The following MYOM2 variants were observed in gnomAD, a reference collection of about 807,000 sequenced individuals.
MYOM2 encodes the protein myomesin-2.
Under a neutral mutation model 187.6 loss-of-function variants are expected in MYOM2, and 254 were observed. That is an observed-to-expected ratio of 1.35 (90% CI 1.22 to 1.50). The LOEUF is 1.50. Ranked by LOEUF, MYOM2 falls within the 40% of genes most tolerant of loss-of-function variation. The probability of loss-of-function intolerance (pLI) is 0.00; values close to 1 mark genes in which losing one functional copy is unlikely to be tolerated. For missense variants in MYOM2, 2,796 were observed against 1,924.0 expected (o/e 1.45, Z -8.48); for synonymous variants, 981 against 753.8 (o/e 1.30, Z -4.94).
intron 6 of MYOM2, among the ~76,000 whole-genome samples, chr8:2,067,526 T>C (rs1819057192): frequency 6.6e-6 from 1 of 152,168 alleles, no homozygotes; most frequent in Non-Finnish European, 1.5e-5. Flanking sequence ...GAAATGCTGA[T>C]GTGAAGTGAC....
At chr8:2,053,227 G>C (rs12676706) in intron 3 of MYOM2, among the ~76,000 whole-genome samples, 41,286 of 152,100 alleles carry the variant, frequency 0.27, 5,987 homozygotes, top group Admixed American at 0.35. Context: ...GTATAGCCAA[G>C]AAGGTTAACG....
chr8:2,137,830 C>G (rs1798134595), intron 32 of MYOM2, among the ~76,000 whole-genome samples: 1 of 152,062 alleles, frequency 6.6e-6, no homozygotes, highest in Non-Finnish European at 1.5e-5. Flanking sequence ...TAAGTGCATC[C>G]AGGGGGATAA....
intron 21 of MYOM2, among the ~76,000 whole-genome samples, chr8:2,104,410 G>C (rs904616045): frequency 1.3e-5 from 2 of 152,106 alleles, no homozygotes; most frequent in East Asian, 3.9e-4. Flanking sequence ...AGACCATCCT[G>C]GCTAACACAG....
intron 28 of MYOM2, among the ~76,000 whole-genome samples, chr8:2,120,680 T>TATAATATATATATAA: frequency 2.1e-5 from 1 of 48,298 alleles, no homozygotes; most frequent in Non-Finnish European, 4.1e-5. Flanking sequence ...ATATATTATA[T>TATAATATATATATAA]TATATATAAA....
intron 25 of MYOM2, among the ~76,000 whole-genome samples, chr8:2,110,686 A>C (rs937297471): frequency 6.6e-6 from 1 of 152,160 alleles, no homozygotes. Flanking sequence ...TGTTCATTAC[A>C]CAAGTTTTAG....
At chr8:2,095,324 C>T (rs1796442319) in intron 17 of MYOM2, among the ~76,000 whole-genome samples, 1 of 149,468 alleles carries the variant, frequency 6.7e-6, no homozygotes, top group Admixed American at 6.7e-5. Flanking sequence ...TAGAGTCTCG[C>T]TCTGTTGCTC....
intron 14 of MYOM2, among the ~76,000 whole-genome samples, chr8:2,086,451 G>A (rs935350962): frequency 0.061 from 3,373 of 55,600 alleles, 366 homozygotes; most frequent in East Asian, 0.13. Flanking sequence ...CCCTACTGTC[G>A]TGATCTCCAC....
intron 28 of MYOM2, among the ~76,000 whole-genome samples, chr8:2,118,247 G>C (rs1797312532): frequency 6.6e-6 from 1 of 152,162 alleles, no homozygotes; most frequent in African/African-American, 2.4e-5. Flanking sequence ...GAGAAAGTGT[G>C]CCCTGGTGAA....
At chr8:2,073,682 G>T (rs532669976) in intron 10 of MYOM2, among the ~76,000 whole-genome samples, 182 bp downstream of exon 10, 1 of 152,212 alleles carries the variant, frequency 6.6e-6, no homozygotes, top group African/African-American at 2.4e-5. Context: ...GCTTCCTGCC[G>T]ATGAGCAGAC....
Position 2,072,523 on chromosome 8 carries a change from G to A in MYOM2, c.958+14G>A, listed in dbSNP as rs1354298536. On this transcript the variant is annotated intron_variant, in intron 9 of 36. Transcript: ENST00000262113. The stretch of plus-strand genomic sequence containing the variant: ...GGTACCGCGATGGTGAGTAGGACAC[G>A]GCCCAGACCCGGGCACACACCAGGA... The A allele has an allele frequency of 1.9e-6, 3 of 1,607,914 alleles. No individual in the cohort carries two copies. Among genetic ancestry groups the A allele is most frequent in the Non-Finnish European group, 2.5e-6 (3 of 1,177,836 alleles).
chr8:2,085,144 C>T, intron 13 of MYOM2, 119 bp from the exon 14 acceptor site: 1 of 1,308,840 alleles, frequency 7.6e-7, no homozygotes, highest in Non-Finnish European at 1.0e-6. Context: ...TTTGACTTCC[C>T]CAAATAGAAA....
At chr8:2,096,215 C>A (rs756919479) in intron 17 of MYOM2, 32 bp from the exon 18 acceptor site, 1 of 1,596,174 alleles carries the variant, frequency 6.3e-7, no homozygotes, top group Admixed American at 1.7e-5. Context: ...AGCTGAGGCC[C>A]TCGGTAACTC....
At chr8:2,100,068 CTTTCCTTCCTTTCTT>C in intron 19 of MYOM2, among the ~76,000 whole-genome samples, 1 of 96,984 alleles carries the variant, frequency 1.0e-5, no homozygotes, top group East Asian at 4.7e-4. Context: ...TTCCTTCCTT[CTTTCCTTCCTTTCTT>C]CTTTCCTTCC....
chr8:2,137,710 C>G (rs1372858805), intron 32 of MYOM2, among the ~76,000 whole-genome samples: 1 of 152,098 alleles, frequency 6.6e-6, no homozygotes, highest in Non-Finnish European at 1.5e-5. Context: ...CTTGTGGAAC[C>G]CTGTTTCCTT....
At chr8:2,141,267 T>C in intron 34 of MYOM2, 90 bp downstream of exon 34, 2 of 1,143,860 alleles carry the variant, frequency 1.7e-6, no homozygotes, top group Non-Finnish European at 1.3e-6. Context: ...TATGGAAGCC[T>C]GGGTGACCTA....
At chr8:2,107,661 A>G (rs1172175048) in intron 23 of MYOM2, among the ~76,000 whole-genome samples, 1 of 152,118 alleles carries the variant, frequency 6.6e-6, no homozygotes, top group Non-Finnish European at 1.5e-5. Flanking sequence ...ACAAATGAGG[A>G]GGCCGCACTG....
At position 2,078,985 on chromosome 8, in the gene MYOM2, T is replaced by G. The variant is rs373606264; in HGVS notation, c.1462+52T>G. The G allele has an allele frequency of 3.3e-5, 52 of 1,567,380 alleles. No homozygotes were observed. The East Asian group carries it at 5.6e-4, about 17-fold the overall frequency. On this transcript the variant is annotated intron_variant, in intron 12 of 36. Coordinates refer to ENST00000262113, the MANE Select transcript of MYOM2 (RefSeq NM_003970.4). ...CTGTGCCCAGGAAGCTTTGGCTGTT[T>G]TGTGTGTGATTTGTTGTCTCTTTCC...
chr8:2,086,280 C>T (rs1303829122), intron 14 of MYOM2, among the ~76,000 whole-genome samples: 2,298 of 38,610 alleles, frequency 0.06, 329 homozygotes, highest in African/African-American at 0.066. Context: ...TCTCTGGCAC[C>T]CCACTGTCGT....
intron 32 of MYOM2, among the ~76,000 whole-genome samples, chr8:2,130,076 C>G (rs1183844341): frequency 1.3e-5 from 2 of 151,872 alleles, no homozygotes; most frequent in Admixed American, 6.6e-5. Context: ...CGTCAGTACA[C>G]TGTACCCAGG....
Sources: gnomAD v4.1 joint callset for allele counts (sites outside exome capture counted in the v4.1 genomes callset) on GRCh38, gnomAD v4.1.1 for gene constraint, MANE v1.5 for transcripts, NCBI Gene and HGNC (gene_info 2026-07-23, HGNC 2026-07-21) for gene names.